Variants in RNLS observed in about 807,000 individuals in gnomAD.
RNLS encodes the protein renalase.
Under a neutral mutation model 39.8 loss-of-function variants are expected in RNLS, and 39 were observed. The ratio of observed to expected loss-of-function variants is 0.98; its 90% CI spans 0.76 to 1.28. RNLS has a LOEUF of 1.28. Ranked by LOEUF, RNLS falls within the 50% of genes most tolerant of loss-of-function variation. RNLS has a pLI of 0.00. For synonymous variants in RNLS, 147 were observed against 150.7 expected (o/e 0.98, Z 0.18); for missense variants, 410 against 413.3 (o/e 0.99, Z 0.07).
intron 4 of RNLS, among the ~76,000 whole-genome samples, chr10:88,563,824 G>C (rs1849337304): frequency 6.6e-6 from 1 of 152,094 alleles, no homozygotes; most frequent in Admixed American, 6.6e-5. Context: ...GGAACTTTCA[G>C]AAACTATTAT....
At chr10:88,231,968 G>C in the RNLS span, among the ~76,000 whole-genome samples, 26 of 142,176 alleles carry the variant, frequency 1.8e-4, no homozygotes, top group Admixed American at 1.3e-3. Context: ...GTGTGTGTGT[G>C]TGTCTGTCTC....
At chr10:88,190,086 T>TCCC in the RNLS span, among the ~76,000 whole-genome samples, 13 of 152,162 alleles carry the variant, frequency 8.5e-5, no homozygotes, top group Admixed American at 6.5e-4. Flanking sequence ...GTGTTTGGGG[T>TCCC]CCCCACTCTT....
Position 88,581,564 on chromosome 10 carries a change from C to T in RNLS, c.367+3G>A. 2.5e-6 allele frequency: 4 copies of T among 1,588,060 alleles called. No homozygotes were observed. Among genetic ancestry groups the T allele is most frequent in the Non-Finnish European group, 2.6e-6 (3 of 1,169,758 alleles). On this transcript the variant is annotated splice_donor_region_variant and intron_variant, in intron 3 of 6. Coordinates refer to ENST00000331772, the MANE Select transcript of RNLS (RefSeq NM_001031709.3). Reference sequence around the variant, plus strand: ...ATTTAGGCAGAGAAAATCTTACTCCCACCTGATTCTTTCAAGTAATGCTTA... The same window carrying T: ...ATTTAGGCAGAGAAAATCTTACTCCTACCTGATTCTTTCAAGTAATGCTTA...
At chr10:88,196,433 C>T in the RNLS span, among the ~76,000 whole-genome samples, 3 of 152,308 alleles carry the variant, frequency 2.0e-5, no homozygotes, top group African/African-American at 4.8e-5. Flanking sequence ...TGACCTCATG[C>T]TTCAGCTGTT....
At chr10:88,378,694 G>A (rs933002791) in intron 4 of RNLS, among the ~76,000 whole-genome samples, 1 of 152,160 alleles carries the variant, frequency 6.6e-6, no homozygotes, top group African/African-American at 2.4e-5. Flanking sequence ...ATTAGCATTA[G>A]ATCATACCCT....
At chr10:88,327,357 G>A (rs1355316294) in intron 5 of RNLS, among the ~76,000 whole-genome samples, 2 of 152,168 alleles carry the variant, frequency 1.3e-5, no homozygotes, top group African/African-American at 4.8e-5. Context: ...ATTGGATCAT[G>A]GGGGTGGTTT....
intron 4 of RNLS, among the ~76,000 whole-genome samples, chr10:88,394,193 A>G (rs113223412): frequency 0.3 from 45,044 of 151,998 alleles, 7,364 homozygotes; most frequent in Non-Finnish European, 0.38. Flanking sequence ...ATTGACAAAT[A>G]GGATCTAATT....
chr10:88,238,686 G>A, the RNLS span, among the ~76,000 whole-genome samples: 1 of 152,232 alleles, frequency 6.6e-6, no homozygotes, highest in Non-Finnish European at 1.5e-5. Flanking sequence ...AGGAAGGACA[G>A]ACGATTGGGC....
chr10:88,222,372 A>G, the RNLS span, among the ~76,000 whole-genome samples: 1 of 152,184 alleles, frequency 6.6e-6, no homozygotes, highest in African/African-American at 2.4e-5. Context: ...CTCCTGGTAG[A>G]TTATAAACTC....
At chr10:88,188,390 TAG>T in the RNLS span, among the ~76,000 whole-genome samples, 1 of 152,220 alleles carries the variant, frequency 6.6e-6, no homozygotes, top group Non-Finnish European at 1.5e-5. Context: ...CCGGCAGCAT[TAG>T]AGACTTTTTA....
At chr10:88,477,135 ACTAT>A (rs573213218) in intron 4 of RNLS, among the ~76,000 whole-genome samples, 259 of 152,264 alleles carry the variant, frequency 1.7e-3, no homozygotes, top group African/African-American at 5.4e-3. Flanking sequence ...AATAATAGAT[ACTAT>A]CTATTATTAG....
intron 4 of RNLS, among the ~76,000 whole-genome samples, chr10:88,572,007 T>C (rs1819523513): frequency 1.3e-5 from 2 of 152,174 alleles, no homozygotes; most frequent in South Asian, 2.1e-4. Flanking sequence ...AAGATGTCTG[T>C]GGATTTATCA....
At chr10:88,470,617 A>T (rs1338106005) in intron 4 of RNLS, among the ~76,000 whole-genome samples, 2 of 141,668 alleles carry the variant, frequency 1.4e-5, no homozygotes, top group Admixed American at 7.1e-5. Flanking sequence ...TGTAATTTTA[A>T]TTTTTTTTTT....
At chr10:88,243,877 A>G in the RNLS span, among the ~76,000 whole-genome samples, 1 of 152,132 alleles carries the variant, frequency 6.6e-6, no homozygotes. Flanking sequence ...TTACCCATCC[A>G]TTTCACTATC....
intron 3 of RNLS, among the ~76,000 whole-genome samples, chr10:88,575,678 C>A (rs1179994271): frequency 3.3e-5 from 5 of 152,032 alleles, no homozygotes; most frequent in Non-Finnish European, 7.4e-5. Context: ...GTGTTTAAAT[C>A]TATAAGCTCT....
the RNLS span, among the ~76,000 whole-genome samples, chr10:88,230,437 G>A: frequency 6.6e-6 from 1 of 152,028 alleles, no homozygotes; most frequent in Non-Finnish European, 1.5e-5. Context: ...GCTTCATGCT[G>A]ACATTACTTC....
intron 4 of RNLS, among the ~76,000 whole-genome samples, chr10:88,510,175 T>C (rs1452218500): frequency 6.6e-6 from 1 of 151,992 alleles, no homozygotes; most frequent in Non-Finnish European, 1.5e-5. Flanking sequence ...TTTTCCCCAA[T>C]AGAATAGCAC....
At chr10:88,535,896 C>T (rs1306966470) in intron 4 of RNLS, among the ~76,000 whole-genome samples, 1 of 151,836 alleles carries the variant, frequency 6.6e-6, no homozygotes, top group South Asian at 2.1e-4. Flanking sequence ...GACTTAAAGG[C>T]TATTAAAGAA....
In RNLS at chr10:88,285,352, C is replaced by A; in HGVS notation, c.*2G>T. 6.2e-7 allele frequency: 1 copy of A among 1,608,616 alleles called. No homozygotes were observed. ...CACATGTAGAGAATAAGGATATAGG[C>A]ACTAAATATAATTCTTTAAAGCTTC... On this transcript the variant is annotated 3_prime_UTR_variant, in exon 7 of 7. Coordinates refer to ENST00000331772, the MANE Select transcript of RNLS (RefSeq NM_001031709.3).
Sources: gnomAD v4.1 joint callset for allele counts (sites outside exome capture counted in the v4.1 genomes callset) on GRCh38, gnomAD v4.1.1 for gene constraint, MANE v1.5 for transcripts, NCBI Gene and HGNC (gene_info 2026-07-23, HGNC 2026-07-21) for gene names.